The following CDCA5 variants were observed in gnomAD, a reference collection of about 807,000 sequenced individuals.
The protein encoded by CDCA5 is sororin.
In CDCA5, 14 loss-of-function variants were observed where a neutral mutation model predicts 25.7. The ratio of observed to expected loss-of-function variants is 0.54; its 90% CI spans 0.36 to 0.85. The LOEUF is 0.85. CDCA5 is among the 40% of genes least tolerant of loss of function. The pLI, the probability that CDCA5 is intolerant of heterozygous loss-of-function variation, is 0.01. For missense variants in CDCA5, 307 were observed against 324.5 expected, an observed-to-expected ratio of 0.95 and a Z score of 0.41; for synonymous variants, 127 against 128.7, an observed-to-expected ratio of 0.99 and a Z score of 0.09.
downstream of CDCA5, among the ~76,000 whole-genome samples, chr11:65,061,914 A>ATTTTTTTTT (rs35836447): frequency 1.2e-5 from 1 of 82,312 alleles, no homozygotes; most frequent in Non-Finnish European, 2.3e-5. Flanking sequence ...CAGCTGCCTA[A>ATTTTTTTTT]TTTTTTTTTT....
chr11:65,069,315 A>G (rs1947298427), intron 1 of CDCA5, among the ~76,000 whole-genome samples: 1 of 151,218 alleles, frequency 6.6e-6, no homozygotes. Context: ...AATCTTGTGC[A>G]TCTACTGGCC....
Position 65,078,331 on chromosome 11 carries a change from A to C in CDCA5, c.*776T>G, listed in dbSNP as rs1947487444. 7 of 985,538 alleles carry C rather than the reference A, an allele frequency of 7.1e-6. 1 individual carries two copies. In the South Asian group the frequency reaches 2.8e-4, roughly 40 times the overall value. 61.0% of individuals were successfully genotyped at this position (985,538 alleles called of 1,614,324 possible). On this transcript the variant is annotated 3_prime_UTR_variant, in exon 6 of 6. Transcript: ENST00000275517. Reference sequence around the variant, plus strand: ...GACCAGCCCAGAGGCCATGAGCCACAGAAACTCACAGCACCTGGTGGCCAC... The same window carrying C: ...GACCAGCCCAGAGGCCATGAGCCACCGAAACTCACAGCACCTGGTGGCCAC...
chr11:65,071,265 A>G (rs527710253), intron 1 of CDCA5, among the ~76,000 whole-genome samples: 112 of 151,326 alleles, frequency 7.4e-4, no homozygotes, highest in African/African-American at 2.5e-3. Context: ...TTCAACCCAC[A>G]TATGCATACC....
chr11:65,074,728 G>C (rs1947406056), downstream of CDCA5, among the ~76,000 whole-genome samples: 1 of 104,526 alleles, frequency 9.6e-6, no homozygotes, highest in African/African-American at 3.9e-5. Flanking sequence ...GACGGAGCCA[G>C]ACCTTGTCTC....
At chr11:65,061,208 G>A in the CDCA5 span, among the ~76,000 whole-genome samples, 2 of 152,294 alleles carry the variant, frequency 1.3e-5, no homozygotes, top group Admixed American at 6.5e-5. Flanking sequence ...GCAGCCCTGT[G>A]GACAGGCCTC....
At chr11:65,082,849 A>T (rs1479589453) in intron 4 of CDCA5, among the ~76,000 whole-genome samples, 1 of 151,968 alleles carries the variant, frequency 6.6e-6, no homozygotes, top group Non-Finnish European at 1.5e-5. Context: ...CTACCATCAT[A>T]GCATCTAGTA....
intron 4 of CDCA5, 142 bp from the exon 5 acceptor site, chr11:65,079,929 C>T: frequency 1.0e-5 from 6 of 581,904 alleles, no homozygotes; most frequent in Middle Eastern, 4.9e-4. Context: ...CTTGCTCTCT[C>T]GCCCAGGCTG....
At position 65,079,373 on chromosome 11, in the gene CDCA5, TC is replaced by T. The variant is rs1947511724; in HGVS notation, c.657del (p.Lys220ArgfsTer7). 1 of 1,613,860 alleles carries T rather than the reference TC, an allele frequency of 6.2e-7. No homozygotes were observed. ...SPPPEKQKRK[K>X]KKMPEILKTE... ...CTCACCAAGATCTCTGGCATTTTCT[TC>T]TTCTTACGTTTCTGTTTCTCGGGTG... On this transcript the variant is annotated frameshift_variant, in exon 5 of 6. Transcript: ENST00000275517. LOFTEE classifies it high-confidence loss of function.
chr11:65,082,346 G>GCC (rs1041278811), intron 4 of CDCA5, among the ~76,000 whole-genome samples: 3 of 152,032 alleles, frequency 2.0e-5, no homozygotes, highest in Admixed American at 6.6e-5. Context: ...TTCCTCCCCT[G>GCC]CTGAGGTCTG....
At chr11:65,072,166 TCA>T (rs1051464642) in intron 1 of CDCA5, among the ~76,000 whole-genome samples, 2 of 152,216 alleles carry the variant, frequency 1.3e-5, no homozygotes, top group Non-Finnish European at 2.9e-5. Flanking sequence ...GGAATTGGCC[TCA>T]CTTTTCAGAA....
chr11:65,075,480 A>G (rs1360741798), downstream of CDCA5, among the ~76,000 whole-genome samples: 2 of 151,486 alleles, frequency 1.3e-5, no homozygotes, highest in Non-Finnish European at 2.9e-5. Context: ...TGCAGTGCAG[A>G]CAGTGTGGAG....
chr11:65,061,125 C>T, the CDCA5 span, among the ~76,000 whole-genome samples: 2 of 152,224 alleles, frequency 1.3e-5, no homozygotes, highest in Non-Finnish European at 2.9e-5. Flanking sequence ...TTCTTCTGCG[C>T]CTGCACCCTT....
At chr11:65,068,214 G>GAAAGACAGGGAGA in intron 2 of CDCA5, 1 of 806,024 alleles carries the variant, frequency 1.2e-6, no homozygotes, top group Non-Finnish European at 1.8e-6. Flanking sequence ...CCATCTCCCT[G>GAAAGACAGGGAGA]TCTTTCAGGG....
At chr11:65,074,500 G>A (rs1055740063), downstream of CDCA5, among the ~76,000 whole-genome samples, 1 of 152,160 alleles carries the variant, frequency 6.6e-6, no homozygotes, top group Non-Finnish European at 1.5e-5. Flanking sequence ...ATGCTGCTAG[G>A]AACTTGGTGT....
At chr11:65,064,243 C>G (rs1947211013), downstream of CDCA5, among the ~76,000 whole-genome samples, 2 of 151,904 alleles carry the variant, frequency 1.3e-5, no homozygotes, top group African/African-American at 2.4e-5. Context: ...ACGGTGAAAC[C>G]CCGTCTCTAC....
chr11:65,070,050 G>A (rs984013596), intron 1 of CDCA5, among the ~76,000 whole-genome samples: 2 of 152,236 alleles, frequency 1.3e-5, no homozygotes, highest in African/African-American at 2.4e-5. Context: ...ATGTGCCGCC[G>A]GGTCTCAAAC....
intron 4 of CDCA5, chr11:65,067,569 G>C (rs573316373): frequency 1.3e-6 from 1 of 745,678 alleles, no homozygotes; most frequent in Admixed American, 2.6e-5. Flanking sequence ...CACCAGCCAC[G>C]TGGGCCCTGA....
chr11:65,078,800 A>G lies in CDCA5; in HGVS notation c.*307T>C, dbSNP rs1354032017. 12 of 1,119,268 alleles carry G rather than the reference A, an allele frequency of 1.1e-5. No homozygotes were observed. The highest frequency in any genetic ancestry group is 1.3e-5 in the Non-Finnish European group (12 of 916,506). 69.3% of individuals were successfully genotyped at this position (1,119,268 alleles called of 1,614,324 possible). A position where few individuals can be genotyped will look rare whatever the true frequency, so the allele number is the denominator to read the frequency against. ...CAGCCCTTTAACTTCTGGCTGGGCC[A>G]CTGATTCTCCTCCCCAGTCTGTGGC... On this transcript the variant is annotated 3_prime_UTR_variant, in exon 6 of 6. Coordinates refer to ENST00000275517, the MANE Select transcript of CDCA5 (RefSeq NM_080668.4).
chr11:65,074,825 G>A (rs1407254051), downstream of CDCA5, among the ~76,000 whole-genome samples: 2 of 151,562 alleles, frequency 1.3e-5, no homozygotes, highest in African/African-American at 4.8e-5. Context: ...ACTTTAGGAG[G>A]CCAAGGAGGG....
Sources: allele counts gnomAD v4.1 joint callset (sites outside exome capture counted in the v4.1 genomes callset), GRCh38; gene constraint gnomAD v4.1.1; transcripts MANE v1.5; gene names NCBI Gene and HGNC (gene_info 2026-07-23, HGNC 2026-07-21).